The following DPP6 variants were observed in gnomAD, a reference collection of about 807,000 sequenced individuals.
The protein encoded by DPP6 is A-type potassium channel modulatory protein DPP6.
A neutral mutation model predicts 122.6 loss-of-function variants in DPP6; 69 were observed. That is an observed-to-expected ratio of 0.56 (90% CI 0.46 to 0.69). The LOEUF is 0.69. Among genes scored for constraint, DPP6 ranks in the 30% least tolerant of loss-of-function variants. The probability of loss-of-function intolerance (pLI) is 0.00; values close to 1 mark genes in which losing one functional copy is unlikely to be tolerated. For synonymous variants in DPP6, 418 were observed against 433.1 expected (o/e 0.97, Z 0.43); for missense variants, 928 against 1,116.9 (o/e 0.83, Z 2.41).
chr7:154,505,946 C>A (rs552730496), intron 3 of DPP6, among the ~76,000 whole-genome samples: 20 of 152,108 alleles, frequency 1.3e-4, no homozygotes, highest in Non-Finnish European at 2.8e-4. Context: ...ACCTGGAATT[C>A]TTCCATATGG....
intron 1 of DPP6, among the ~76,000 whole-genome samples, chr7:153,980,518 T>C (rs920925378): frequency 3.3e-5 from 5 of 152,206 alleles, no homozygotes; most frequent in African/African-American, 1.2e-4. Context: ...TCATTGATTT[T>C]TGAAGGGTTT....
intron 16 of DPP6, among the ~76,000 whole-genome samples, chr7:154,823,977 C>G (rs1799970320): frequency 6.6e-6 from 1 of 152,176 alleles, no homozygotes; most frequent in Non-Finnish European, 1.5e-5. Context: ...TGTATGAAGT[C>G]AAAATTTCTA....
chr7:154,751,788 A>G (rs1843407111), intron 8 of DPP6, among the ~76,000 whole-genome samples: 1 of 152,006 alleles, frequency 6.6e-6, no homozygotes, highest in African/African-American at 2.4e-5. Flanking sequence ...CTTCCACAGC[A>G]TCATCGTCCT....
At chr7:154,826,054 G>A (rs1800122655) in intron 16 of DPP6, among the ~76,000 whole-genome samples, 1 of 152,150 alleles carries the variant, frequency 6.6e-6, no homozygotes, top group Non-Finnish European at 1.5e-5. Flanking sequence ...TTCACCCTAC[G>A]TTTCACAAAC....
chr7:154,121,726 G>A (rs929810541), intron 1 of DPP6, among the ~76,000 whole-genome samples: 3 of 152,166 alleles, frequency 2.0e-5, no homozygotes, highest in African/African-American at 7.2e-5. Context: ...AATGTTTCAG[G>A]TGCACTGGGG....
At chr7:154,613,349 CT>C (rs1834025230) in intron 5 of DPP6, among the ~76,000 whole-genome samples, 1 of 151,994 alleles carries the variant, frequency 6.6e-6, no homozygotes, top group East Asian at 1.9e-4. Context: ...AGGCTGGGTG[CT>C]GTGGCTCACG....
intron 3 of DPP6, among the ~76,000 whole-genome samples, chr7:154,533,974 G>C (rs1455240174): frequency 6.6e-6 from 1 of 150,734 alleles, no homozygotes; most frequent in African/African-American, 2.5e-5. Context: ...CTTCAGCCTA[G>C]GTAACAGAGC....
intron 1 of DPP6, among the ~76,000 whole-genome samples, chr7:154,284,568 C>T (rs1804728569): frequency 2.6e-5 from 4 of 152,164 alleles, no homozygotes; most frequent in Admixed American, 2.0e-4. Context: ...AAACACTATG[C>T]CAGAGACTGG....
At chr7:154,737,817 A>G (rs1842639553) in intron 8 of DPP6, among the ~76,000 whole-genome samples, 1 of 152,262 alleles carries the variant, frequency 6.6e-6, no homozygotes, top group Non-Finnish European at 1.5e-5. Context: ...CTCATGGCAC[A>G]GATTTAAGAG....
intron 1 of DPP6, among the ~76,000 whole-genome samples, chr7:153,963,584 C>T (rs1347957820): frequency 6.7e-6 from 1 of 149,514 alleles, no homozygotes; most frequent in African/African-American, 2.6e-5. Context: ...CAGGGCTGCA[C>T]AGGAGGTGAG....
chr7:154,723,145 G>T (rs747454877), intron 7 of DPP6, among the ~76,000 whole-genome samples: 3 of 152,106 alleles, frequency 2.0e-5, no homozygotes, highest in Non-Finnish European at 2.9e-5. Context: ...TGTAGTCCCA[G>T]CTACTTGGGA....
intron 1 of DPP6, among the ~76,000 whole-genome samples, chr7:154,081,711 A>G (rs1804027342): frequency 2.0e-5 from 3 of 150,392 alleles, no homozygotes; most frequent in African/African-American, 7.4e-5. Flanking sequence ...CATATCTGCT[A>G]GAGTTGCCAT....
chr7:154,151,968 T>C (rs1796446798), intron 1 of DPP6, among the ~76,000 whole-genome samples: 1 of 151,112 alleles, frequency 6.6e-6, no homozygotes, highest in Non-Finnish European at 1.5e-5. Context: ...ACATGACACA[T>C]TGCACGGCCT....
At chr7:154,688,494 A>T (rs1312998644) in intron 7 of DPP6, among the ~76,000 whole-genome samples, 1 of 152,082 alleles carries the variant, frequency 6.6e-6, no homozygotes, top group East Asian at 1.9e-4. Flanking sequence ...TGTATTAGTC[A>T]GGGTTCAGAC....
At chr7:154,409,644 T>G (rs1231118450) in intron 1 of DPP6, among the ~76,000 whole-genome samples, 4 of 152,254 alleles carry the variant, frequency 2.6e-5, no homozygotes, top group African/African-American at 9.6e-5. Context: ...TTGTGATTTT[T>G]GGGCACTTTT....
intron 1 of DPP6, among the ~76,000 whole-genome samples, chr7:154,010,512 TAATG>T (rs1383032387): frequency 1.3e-5 from 2 of 152,224 alleles, no homozygotes; most frequent in Non-Finnish European, 2.9e-5. Context: ...TCTCATGAAT[TAATG>T]AGCTCATCTA....
At position 154,349,165 on chromosome 7, in the gene DPP6, T is replaced by TTTG. The variant is rs944041705; in HGVS notation, c.244-97037_244-97035dup. Among the ~76,000 whole-genome samples the TTTG allele has an allele frequency of 8.5e-5, 13 of 152,146 alleles. No individual in the cohort carries two copies. The East Asian group carries it at 2.1e-3, about 25-fold the overall frequency. On this transcript the variant is annotated intron_variant, in intron 1 of 25. Transcript: ENST00000377770. ...TAGTTAATTTTTGTTGTTGTTGTTGTTTGTTGTTGTTGTTTTGTTTTGTTT... is the reference window on the plus strand; with the variant it reads ...TAGTTAATTTTTGTTGTTGTTGTTGTTTGTTGTTGTTGTTGTTTTGTTTTGTTT...
the DPP6 span, among the ~76,000 whole-genome samples, chr7:153,837,136 T>TG: frequency 6.6e-6 from 1 of 152,184 alleles, no homozygotes; most frequent in Non-Finnish European, 1.5e-5. Context: ...TTCTAAACCA[T>TG]GGGGGGTTAA....
In DPP6 at chr7:153,961,310, T is replaced by A. The variant is rs542138324; in HGVS notation, c.51+73576T>A. ...AGCTGCCTAAGCTCCTATGAGAAGTTGGTAGATGGTTCATGTCCTTTTTCC... is the reference window on the plus strand; with the variant it reads ...AGCTGCCTAAGCTCCTATGAGAAGTAGGTAGATGGTTCATGTCCTTTTTCC... On this transcript the variant is annotated intron_variant, in intron 1 of 25. Transcript: ENST00000404039. 2.7e-5 allele frequency among the ~76,000 whole-genome samples: 4 copies of A among 146,068 alleles called. No homozygotes were observed. In the South Asian group the frequency reaches 6.9e-4, roughly 25 times the overall value.
Sources: allele counts gnomAD v4.1 joint callset (sites outside exome capture counted in the v4.1 genomes callset), GRCh38; gene constraint gnomAD v4.1.1; transcripts MANE v1.5; gene names NCBI Gene and HGNC (gene_info 2026-07-23, HGNC 2026-07-21).